HTT: variants seen among roughly 807,000 people sequenced by gnomAD.
HTT encodes the protein huntingtin.
A neutral mutation model predicts 362.3 loss-of-function variants in HTT; 104 were observed. That is an observed-to-expected ratio of 0.29 (90% CI 0.24 to 0.34). The LOEUF is 0.34. Among genes scored for constraint, HTT ranks in the 10% least tolerant of loss-of-function variants. HTT has a pLI of 1.00. For missense variants in HTT, 3,301 were observed against 3,928.6 expected (o/e 0.84, Z 4.27); for synonymous variants, 1,577 against 1,548.7 (o/e 1.02, Z -0.43).
At chr4:3,181,245 C>T (rs1453467831) in intron 36 of HTT, among the ~76,000 whole-genome samples, 3 of 152,076 alleles carry the variant, frequency 2.0e-5, no homozygotes, top group Admixed American at 6.5e-5. Context: ...CTGAGAGTCA[C>T]GAGATCGTTC....
chr4:3,238,474 C>G lies in HTT; in HGVS notation c.8919C>G (p.Ala2973=), dbSNP rs1417453738. Reference sequence around the variant, plus strand: ...TCAGGAAAGGCTTTCCTTGTGAAGCCAGAGTGGTGGCCAGGATCCTGCCCC... The same window carrying G: ...TCAGGAAAGGCTTTCCTTGTGAAGCGAGAGTGGTGGCCAGGATCCTGCCCC... The part of the protein sequence containing the change: ...DRIRKGFPCE[A]RVVARILPQF... The change falls in exon 65 of 67, where the codon GCC becomes GCG. Residue 2973 remains alanine (A), a synonymous_variant. Transcript: ENST00000355072. 1 of 1,612,212 alleles carries G rather than the reference C, an allele frequency of 6.2e-7. No individual in the cohort carries two copies. Among genetic ancestry groups the G allele is most frequent in the Non-Finnish European group, 8.5e-7 (1 of 1,179,166 alleles).
At chr4:3,235,540 C>T (rs1721486740) in intron 62 of HTT, 25 bp from the exon 63 acceptor site, 3 of 1,607,240 alleles carry the variant, frequency 1.9e-6, no homozygotes, top group South Asian at 1.1e-5. Flanking sequence ...GATTCTTTGA[C>T]ACAGAGGCCT....
At position 3,212,089 on chromosome 4, in the gene HTT, C is replaced by T; in HGVS notation, c.6575C>T (p.Pro2192Leu). ...CCTGCTGTCCATCATGTCTTCCAGC[C>T]CGAGCTGCCTGCAGAGCCGGCGGCC... ...QLPAVHHVFQ[P>L]ELPAEPAAYW... The change falls in exon 48 of 67, where the codon CCC becomes CTC. Residue 2192 changes from proline to leucine, a missense_variant. Transcript: ENST00000355072. 1 of 1,614,086 alleles carries T rather than the reference C, an allele frequency of 6.2e-7. No homozygotes were observed. The highest frequency in any genetic ancestry group is 8.5e-7 in the Non-Finnish European group (1 of 1,179,920).
Position 3,209,925 on chromosome 4 carries a change from T to C in HTT, c.6390T>C (p.Asp2130=). The change falls in exon 47 of 67, where the codon GAT becomes GAC. Residue 2130 remains aspartate (D), a synonymous_variant. Coordinates refer to ENST00000355072, the MANE Select transcript of HTT (RefSeq NM_001388492.1). ...TGGTGAATCGGATTCCTGCTGAAGA[T>C]ATGAATGCCTTCATGATGAACTCGG... ...AELVNRIPAE[D]MNAFMMNSEF... 1 of 1,614,108 alleles carries C rather than the reference T, an allele frequency of 6.2e-7. No individual in the cohort carries two copies. The highest frequency in any genetic ancestry group is 1.7e-5 in the Admixed American group (1 of 60,032).
chr4:3,156,832 A>G (rs1005006506), intron 27 of HTT, among the ~76,000 whole-genome samples: 26 of 152,330 alleles, frequency 1.7e-4, no homozygotes, highest in Admixed American at 4.6e-4. Flanking sequence ...CAAACAAGCA[A>G]TCATAACAAA....
intron 12 of HTT, chr4:3,129,687 A>AT (rs1281095032): frequency 2.6e-6 from 1 of 378,284 alleles, no homozygotes; most frequent in Non-Finnish European, 4.7e-6. Context: ...CCACATTGGA[A>AT]TTTTTTTGGA....
rs547855924 is a variant in HTT, at chr4:3,237,193, C to G, written c.8891+939C>G. On this transcript the variant is annotated intron_variant, in intron 64 of 66. Transcript: ENST00000355072. ...GGTTCAAGTGATTCTCCTGCCTCAG[C>G]CTCCCTAGTAGCTGGGATTACAGGC... Among the ~76,000 whole-genome samples, 4 of 152,222 alleles carry G rather than the reference C, an allele frequency of 2.6e-5. No individual in the cohort carries two copies. In the East Asian group the frequency reaches 7.7e-4, roughly 29 times the overall value.
At chr4:3,139,787 C>T (rs559655078) in intron 21 of HTT, among the ~76,000 whole-genome samples, 1 of 152,294 alleles carries the variant, frequency 6.6e-6, no homozygotes, top group African/African-American at 2.4e-5. Flanking sequence ...TGCAAAAGTG[C>T]CTAAGGAATG....
At chr4:3,229,202 G>T (rs1721081581) in intron 59 of HTT, among the ~76,000 whole-genome samples, 193 bp downstream of exon 59, 1 of 142,170 alleles carries the variant, frequency 7.0e-6, no homozygotes, top group Non-Finnish European at 1.5e-5. Flanking sequence ...TACACGGCAT[G>T]CACCATACAC....
At chr4:3,211,650 T>C (rs1213650462) in intron 47 of HTT, among the ~76,000 whole-genome samples, 1 of 152,238 alleles carries the variant, frequency 6.6e-6, no homozygotes, top group African/African-American at 2.4e-5. Context: ...CCAAAATTTT[T>C]ATTTCAAGCA....
At chr4:3,120,260 G>T (rs1322541259) in intron 8 of HTT, among the ~76,000 whole-genome samples, 1 of 151,986 alleles carries the variant, frequency 6.6e-6, no homozygotes, top group Non-Finnish European at 1.5e-5. Context: ...GTAATTTTAT[G>T]GTGTAAGTAT....
intron 5 of HTT, among the ~76,000 whole-genome samples, chr4:3,106,715 G>A (rs747985829): frequency 4.6e-5 from 7 of 152,096 alleles, no homozygotes; most frequent in Admixed American, 1.3e-4. Flanking sequence ...CAGCGGAACA[G>A]TCACTTCCTT....
At chr4:3,208,971 G>A in intron 46 of HTT, 60 bp downstream of exon 46, 2 of 1,536,398 alleles carry the variant, frequency 1.3e-6, no homozygotes, top group East Asian at 2.3e-5. Context: ...TGTCACCTGT[G>A]GCAGATACAG....
At chr4:3,118,014 C>G (rs1715115878) in intron 8 of HTT, among the ~76,000 whole-genome samples, 1 of 152,116 alleles carries the variant, frequency 6.6e-6, no homozygotes, top group Non-Finnish European at 1.5e-5. Flanking sequence ...TGAACTGGTT[C>G]CCCTCCATCC....
At chr4:3,138,987 TA>T (rs1335228089) in intron 21 of HTT, among the ~76,000 whole-genome samples, 21 of 152,204 alleles carry the variant, frequency 1.4e-4, no homozygotes, top group Non-Finnish European at 2.9e-4. Flanking sequence ...AAGGAAAATA[TA>T]AAAAAACGAA....
intron 2 of HTT, among the ~76,000 whole-genome samples, chr4:3,093,349 C>T (rs934428727): frequency 6.6e-6 from 1 of 152,008 alleles, no homozygotes; most frequent in Non-Finnish European, 1.5e-5. Flanking sequence ...TTACTCTGAC[C>T]CTACCTAATA....
chr4:3,101,334 T>G (rs948759612), intron 3 of HTT, among the ~76,000 whole-genome samples: 26 of 152,198 alleles, frequency 1.7e-4, no homozygotes, highest in African/African-American at 6.0e-4. Context: ...TTCTTTCCCA[T>G]GTCCTCTTCT....
At position 3,127,305 on chromosome 4, in the gene HTT, T is replaced by C; in HGVS notation, c.1444T>C (p.Ser482Pro). The change falls in exon 12 of 67, where the codon TCA becomes CCA. Residue 482 changes from serine to proline, a missense_variant. Physicochemically the swap from Ser to Pro is moderately conservative, Grantham distance 74 (BLOSUM62 -1). Around this residue, in one of 4 missense-constraint regions of HTT, gnomAD observed 2,316 missense variants for 2,658.5 expected, o/e 0.87. Coordinates refer to ENST00000355072, the MANE Select transcript of HTT (RefSeq NM_001388492.1). ...DEISGELAAS[S>P]GVSTPGSAGH... is the part of the protein sequence containing the mutation. ...GATCAGTGGAGAGCTGGCTGCTTCT[T>C]CAGGGGTTTCCACTCCAGGGTCAGC... is the stretch of plus-strand genomic sequence containing the variant. 6.2e-7 allele frequency: 1 copy of C among 1,614,200 alleles called. No individual in the cohort carries two copies. Among genetic ancestry groups the C allele is most frequent in the Non-Finnish European group, 8.5e-7 (1 of 1,180,020 alleles).
intron 35 of HTT, among the ~76,000 whole-genome samples, chr4:3,178,731 C>G (rs1008859664): frequency 2.6e-5 from 4 of 152,218 alleles, no homozygotes; most frequent in African/African-American, 9.6e-5. Context: ...TGTTCATTCA[C>G]ATGAAACGCT....
Sources: gnomAD v4.1 joint callset for allele counts (sites outside exome capture counted in the v4.1 genomes callset) on GRCh38, gnomAD v4.1.1 for gene constraint, gnomAD v4.1.1 regional missense constraint, MANE v1.5 for transcripts, NCBI Gene and HGNC (gene_info 2026-07-23, HGNC 2026-07-21) for gene names.